Variants in DPP10 observed in about 807,000 individuals in gnomAD.
DPP10 encodes dipeptidyl peptidase like 10, also known as inactive dipeptidyl peptidase 10.
Under a neutral mutation model 120.9 loss-of-function variants are expected in DPP10, and 33 were observed. The observed-to-expected ratio is 0.27, with a 90% CI of 0.21 to 0.37. The LOEUF (loss-of-function observed/expected upper bound fraction) is 0.37. DPP10 is among the 10% of genes least tolerant of loss of function. DPP10 has a pLI of 1.00. For synonymous variants in DPP10, 337 were observed against 326.1 expected (o/e 1.03, Z -0.36); for missense variants, 816 against 942.8 (o/e 0.87, Z 1.76).
At chr2:114,726,269 A>G (rs1340105813) in intron 1 of DPP10, among the ~76,000 whole-genome samples, 1 of 151,452 alleles carries the variant, frequency 6.6e-6, no homozygotes, top group Non-Finnish European at 1.5e-5. Flanking sequence ...TCCATAATTC[A>G]GTTGGGAAGA....
chr2:115,648,905 A>G (rs944125819), intron 5 of DPP10, among the ~76,000 whole-genome samples: 3 of 152,018 alleles, frequency 2.0e-5, no homozygotes, highest in Non-Finnish European at 4.4e-5. Flanking sequence ...CCAAGACTTA[A>G]TAGATTAATG....
intron 1 of DPP10, among the ~76,000 whole-genome samples, chr2:114,876,466 C>T (rs1318517137): frequency 6.6e-6 from 1 of 152,124 alleles, no homozygotes; most frequent in Non-Finnish European, 1.5e-5. Context: ...TGGATCTGAA[C>T]TCTGGCCCTG....
intron 1 of DPP10, among the ~76,000 whole-genome samples, chr2:114,884,547 C>G (rs1028751725): frequency 1.3e-5 from 2 of 152,134 alleles, no homozygotes; most frequent in Admixed American, 6.5e-5. Flanking sequence ...TCTGTCTCCC[C>G]CTTCCACGTT....
intron 9 of DPP10, among the ~76,000 whole-genome samples, chr2:115,741,586 A>G (rs1365852557): frequency 6.6e-6 from 1 of 152,110 alleles, no homozygotes; most frequent in Non-Finnish European, 1.5e-5. Context: ...TGAAATGGAG[A>G]ACTAGTGACA....
chr2:115,012,844 G>T (rs1702363622), intron 1 of DPP10, among the ~76,000 whole-genome samples: 1 of 152,122 alleles, frequency 6.6e-6, no homozygotes. Flanking sequence ...GCCAGAAAAA[G>T]AATTCAGGTC....
At chr2:115,557,755 A>T (rs1488321578) in intron 5 of DPP10, among the ~76,000 whole-genome samples, 1 of 152,188 alleles carries the variant, frequency 6.6e-6, no homozygotes, top group African/African-American at 2.4e-5. Flanking sequence ...GTTAGAGAGT[A>T]AAAAAAGAAA....
At chr2:115,795,301 T>G (rs1684414337) in intron 19 of DPP10, among the ~76,000 whole-genome samples, 1 of 152,174 alleles carries the variant, frequency 6.6e-6, no homozygotes, top group Admixed American at 6.6e-5. Flanking sequence ...TTCTACTTTT[T>G]CATGCTCAAG....
chr2:115,207,308 G>C (rs1574010552), intron 1 of DPP10, among the ~76,000 whole-genome samples: 1 of 148,902 alleles, frequency 6.7e-6, no homozygotes, highest in East Asian at 2.0e-4. Flanking sequence ...TTGGCAATTA[G>C]TGCTTTCCTA....
intron 3 of DPP10, among the ~76,000 whole-genome samples, chr2:115,486,616 A>G (rs2075794361): frequency 6.6e-6 from 1 of 152,168 alleles, no homozygotes; most frequent in Non-Finnish European, 1.5e-5. Flanking sequence ...GTGTATGAGT[A>G]TGAAGTCTAG....
chr2:114,483,328 C>G (rs1681223756), intron 1 of DPP10, among the ~76,000 whole-genome samples: 1 of 151,996 alleles, frequency 6.6e-6, no homozygotes, highest in Non-Finnish European at 1.5e-5. Flanking sequence ...CAGTGTACAT[C>G]TGTTCCACTA....
At position 114,802,929 on chromosome 2, in the gene DPP10, C is replaced by T. The variant is rs186480113; in HGVS notation, c.60+360091C>T. Among the ~76,000 whole-genome samples the T allele has an allele frequency of 2.7e-3, 418 of 152,260 alleles. 1 individual carries two copies. The highest frequency in any genetic ancestry group is 3.9e-3 in the Non-Finnish European group (266 of 68,032). On this transcript the variant is annotated intron_variant, in intron 1 of 25. Transcript: ENST00000410059. ...ATGTTCAAACTATGATAGCTCTTAA[C>T]CATTGAGGAACTTAACTTTTCCCCT...
chr2:115,141,496 A>G (rs1224575142), intron 1 of DPP10, among the ~76,000 whole-genome samples: 1 of 152,216 alleles, frequency 6.6e-6, no homozygotes, highest in East Asian at 1.9e-4. Context: ...GGGATAGAGC[A>G]TGGAATTTGC....
intron 3 of DPP10, among the ~76,000 whole-genome samples, chr2:115,487,276 T>TCAATC (rs1225649120): frequency 7.6e-6 from 1 of 131,660 alleles, no homozygotes; most frequent in African/African-American, 3.0e-5. Flanking sequence ...GTAGGAAGAA[T>TCAATC]CAATATCGTG....
intron 1 of DPP10, among the ~76,000 whole-genome samples, chr2:115,174,696 C>T (rs918133686): frequency 6.6e-6 from 1 of 152,160 alleles, no homozygotes; most frequent in African/African-American, 2.4e-5. Context: ...TTTTTATTTA[C>T]AGTTCTCGAA....
At chr2:115,188,187 A>G (rs1403176579) in intron 1 of DPP10, among the ~76,000 whole-genome samples, 1 of 152,212 alleles carries the variant, frequency 6.6e-6, no homozygotes, top group Non-Finnish European at 1.5e-5. Context: ...CATGAAATTC[A>G]GCAGACTACC....
chr2:114,943,207 T>C (rs758722842), intron 1 of DPP10, among the ~76,000 whole-genome samples: 7 of 152,182 alleles, frequency 4.6e-5, no homozygotes, highest in South Asian at 2.1e-4. Flanking sequence ...GCTTCATCCA[T>C]GTCCCTGCAA....
At chr2:114,948,284 G>GT (rs1697516734) in intron 1 of DPP10, among the ~76,000 whole-genome samples, 1 of 151,704 alleles carries the variant, frequency 6.6e-6, no homozygotes, top group East Asian at 1.9e-4. Flanking sequence ...GTTTCTATTT[G>GT]TTTTTTCTTT....
chr2:114,687,882 C>T (rs992245321), intron 1 of DPP10, among the ~76,000 whole-genome samples: 1 of 152,012 alleles, frequency 6.6e-6, no homozygotes, highest in African/African-American at 2.4e-5. Flanking sequence ...CTTCAGAATG[C>T]CCTTTCCTTT....
At chr2:114,830,977 G>T (rs1475300538) in intron 1 of DPP10, among the ~76,000 whole-genome samples, 1 of 116,568 alleles carries the variant, frequency 8.6e-6, no homozygotes, top group Non-Finnish European at 1.7e-5. Context: ...TTAATAAAAA[G>T]TTATTTTTCA....
Sources: gnomAD v4.1 joint callset for allele counts (sites outside exome capture counted in the v4.1 genomes callset) on GRCh38, gnomAD v4.1.1 for gene constraint, MANE v1.5 for transcripts, NCBI Gene and HGNC (gene_info 2026-07-23, HGNC 2026-07-21) for gene names.